Variants in DIAPH3 observed in about 807,000 individuals in gnomAD.
DIAPH3 encodes the protein diaphanous related formin 3.
A neutral mutation model predicts 144.3 loss-of-function variants in DIAPH3; 117 were observed. That is an observed-to-expected ratio of 0.81 (90% CI 0.70 to 0.95). DIAPH3 has a LOEUF of 0.95. DIAPH3 is among the 40% of genes least tolerant of loss of function. The pLI is 0.00. For synonymous variants in DIAPH3, 519 were observed against 488.9 expected (o/e 1.06, Z -0.81); for missense variants, 1,421 against 1,412.7 (o/e 1.01, Z -0.09).
Position 60,163,780 on chromosome 13 carries a change from T to C in DIAPH3, c.-14A>G, listed in dbSNP as rs771011501. On this transcript the variant is annotated 5_prime_UTR_variant, in exon 1 of 28. Coordinates refer to ENST00000400324, the MANE Select transcript of DIAPH3 (RefSeq NM_001042517.2). ...GTGCCGTTCCATCTTTCCCCGCAGCTCCGGGGACCGGAAAGAAGGTGGCCA... is the reference window on the plus strand; with the variant it reads ...GTGCCGTTCCATCTTTCCCCGCAGCCCCGGGGACCGGAAAGAAGGTGGCCA... The C allele has an allele frequency of 1.3e-6, 2 of 1,558,798 alleles. No homozygotes were observed. Among genetic ancestry groups the C allele is most frequent in the South Asian group, 1.2e-5 (1 of 86,136 alleles).
chr13:59,706,650 T>C (rs1324354527), intron 27 of DIAPH3, among the ~76,000 whole-genome samples: 2 of 152,222 alleles, frequency 1.3e-5, no homozygotes, highest in African/African-American at 2.4e-5. Context: ...AAAGTGTCCA[T>C]AACCCATACA....
chr13:60,113,864 C>G (rs985700506), intron 2 of DIAPH3, among the ~76,000 whole-genome samples: 4 of 152,200 alleles, frequency 2.6e-5, no homozygotes, highest in African/African-American at 9.7e-5. Flanking sequence ...GAAGCCCCAG[C>G]CATTTGGCAA....
intron 3 of DIAPH3, among the ~76,000 whole-genome samples, chr13:60,108,906 G>A (rs181989798): frequency 2.6e-5 from 4 of 152,150 alleles, no homozygotes; most frequent in Admixed American, 6.5e-5. Flanking sequence ...GGAGGTGTGT[G>A]TGTATTTAGG....
intron 17 of DIAPH3, among the ~76,000 whole-genome samples, chr13:59,964,145 C>G (rs2049922028): frequency 6.6e-6 from 1 of 152,046 alleles, no homozygotes; most frequent in South Asian, 2.1e-4. Flanking sequence ...AATGTAACAA[C>G]TTTATAATTT....
rs1022247311 is a variant in DIAPH3, at chr13:60,154,469, A to G, written c.180+9118T>C. On this transcript the variant is annotated intron_variant, in intron 1 of 27. Coordinates refer to ENST00000400324, the MANE Select transcript of DIAPH3 (RefSeq NM_001042517.2). ...ACTCATAACGCTTCTTCTACAAAAAACTGTAAGAAAAGATAGCAGTGGGTC... is the reference window on the plus strand; with the variant it reads ...ACTCATAACGCTTCTTCTACAAAAAGCTGTAAGAAAAGATAGCAGTGGGTC... Among the ~76,000 whole-genome samples the G allele has an allele frequency of 2.6e-5, 4 of 152,278 alleles. No homozygotes were observed. The South Asian group carries it at 8.3e-4, about 32-fold the overall frequency.
chr13:59,807,557 T>C (rs1406338111), intron 25 of DIAPH3, among the ~76,000 whole-genome samples: 1 of 152,000 alleles, frequency 6.6e-6, no homozygotes, highest in Non-Finnish European at 1.5e-5. Context: ...ATCATTTATA[T>C]AAATCTAAGT....
intron 21 of DIAPH3, 64 bp downstream of exon 21, chr13:59,879,165 A>T: frequency 6.2e-7 from 1 of 1,608,164 alleles, no homozygotes; most frequent in Non-Finnish European, 8.5e-7. Flanking sequence ...AAATAATGCA[A>T]TCAGGGCTGA....
chr13:59,915,369 A>C (rs2047177815), intron 19 of DIAPH3, among the ~76,000 whole-genome samples: 1 of 152,108 alleles, frequency 6.6e-6, no homozygotes, highest in Admixed American at 6.5e-5. Flanking sequence ...CAAAGATATC[A>C]TTTATTGATT....
chr13:59,867,839 C>A lies in DIAPH3; in HGVS notation c.2608-6303G>T, dbSNP rs1178973165. Among the ~76,000 whole-genome samples the A allele has an allele frequency of 4.6e-5, 7 of 152,206 alleles. No individual in the cohort carries two copies. In the East Asian group the frequency reaches 1.4e-3, roughly 29 times the overall value. On this transcript the variant is annotated intron_variant, in intron 21 of 27. Coordinates refer to ENST00000400324, the MANE Select transcript of DIAPH3 (RefSeq NM_001042517.2). ...TAGTACTGAGAGATCAGAAAACAGA[C>A]ATTCATAACAGGCAAATGGGAAAAA... is the stretch of plus-strand genomic sequence containing the variant.
chr13:59,864,964 C>G (rs2043828605), intron 21 of DIAPH3, among the ~76,000 whole-genome samples: 1 of 151,922 alleles, frequency 6.6e-6, no homozygotes, highest in African/African-American at 2.4e-5. Context: ...GAAACTAAGC[C>G]TAATAAATAA....
At chr13:60,018,373 C>T (rs374236273) in intron 5 of DIAPH3, among the ~76,000 whole-genome samples, 1 of 151,922 alleles carries the variant, frequency 6.6e-6, no homozygotes, top group African/African-American at 2.4e-5. Context: ...TATATTATGA[C>T]CCACTATAAA....
At chr13:59,806,475 A>T (rs2040199002) in intron 25 of DIAPH3, among the ~76,000 whole-genome samples, 1 of 152,032 alleles carries the variant, frequency 6.6e-6, no homozygotes, top group Non-Finnish European at 1.5e-5. Context: ...GATTTTTATT[A>T]AACAATATTT....
intron 20 of DIAPH3, among the ~76,000 whole-genome samples, chr13:59,880,757 G>T (rs763523441): frequency 1.3e-4 from 20 of 151,920 alleles, no homozygotes; most frequent in Non-Finnish European, 1.9e-4. Flanking sequence ...AAGCCCTATA[G>T]TGAATGAAAA....
intron 27 of DIAPH3, among the ~76,000 whole-genome samples, chr13:59,730,537 T>C (rs2035846625): frequency 6.6e-6 from 1 of 152,190 alleles, no homozygotes. Context: ...TTTTTTTGCT[T>C]GTACATTTAG....
At chr13:59,933,836 C>G (rs1173764859) in intron 17 of DIAPH3, among the ~76,000 whole-genome samples, 1 of 152,138 alleles carries the variant, frequency 6.6e-6, no homozygotes, top group Non-Finnish European at 1.5e-5. Flanking sequence ...CATTCTTTTT[C>G]TATTTTCAAA....
At chr13:60,114,925 C>A (rs1181891623) in intron 2 of DIAPH3, among the ~76,000 whole-genome samples, 1 of 152,056 alleles carries the variant, frequency 6.6e-6, no homozygotes, top group African/African-American at 2.4e-5. Context: ...CAGTCAAAGT[C>A]CACATATAAA....
At chr13:60,019,997 T>C (rs1358018157) in intron 5 of DIAPH3, among the ~76,000 whole-genome samples, 1 of 152,090 alleles carries the variant, frequency 6.6e-6, no homozygotes, top group Non-Finnish European at 1.5e-5. Context: ...TATAATGGAA[T>C]TAATCTTGGA....
chr13:59,843,995 G>A (rs2042483682), intron 22 of DIAPH3, among the ~76,000 whole-genome samples: 1 of 151,824 alleles, frequency 6.6e-6, no homozygotes, highest in African/African-American at 2.4e-5. Context: ...AATAGCTAAT[G>A]CATGGCAGGC....
At chr13:60,100,822 A>T (rs1327289819) in intron 3 of DIAPH3, among the ~76,000 whole-genome samples, 3 of 152,104 alleles carry the variant, frequency 2.0e-5, no homozygotes, top group African/African-American at 7.2e-5. Context: ...TAAAAAGAAG[A>T]GGTTTGTAGA....
Sources: gnomAD v4.1 joint callset for allele counts (sites outside exome capture counted in the v4.1 genomes callset) on GRCh38, gnomAD v4.1.1 for gene constraint, MANE v1.5 for transcripts, NCBI Gene and HGNC (gene_info 2026-07-23, HGNC 2026-07-21) for gene names.